The following FAM210A variants were observed in gnomAD, a reference collection of about 807,000 sequenced individuals.
The protein encoded by FAM210A is family with sequence similarity 210 member A.
A neutral mutation model predicts 25.3 loss-of-function variants in FAM210A; 13 were observed. The ratio of observed to expected loss-of-function variants is 0.51; its 90% CI spans 0.33 to 0.82. The LOEUF is 0.82. FAM210A is among the 40% of genes least tolerant of loss of function. The pLI, the probability that FAM210A is intolerant of heterozygous loss-of-function variation, is 0.02. For synonymous variants in FAM210A, 125 were observed against 118.7 expected, an observed-to-expected ratio of 1.05 and a Z score of -0.35; for missense variants, 319 against 323.2, an observed-to-expected ratio of 0.99 and a Z score of 0.10.
chr18:13,672,469 C>T (rs1465485933), intron 2 of FAM210A, among the ~76,000 whole-genome samples: 5 of 152,112 alleles, frequency 3.3e-5, no homozygotes, highest in South Asian at 4.1e-4. Context: ...AGTGCAGTGG[C>T]GCAATCTTGG....
chr18:13,685,436 T>C (rs909387328), intron 1 of FAM210A, among the ~76,000 whole-genome samples: 1 of 152,178 alleles, frequency 6.6e-6, no homozygotes, highest in Admixed American at 6.5e-5. Context: ...AGGAAACATT[T>C]GCCATCTATT....
chr18:13,688,032 G>T (rs377115348), intron 1 of FAM210A: 1 of 152,040 alleles, frequency 6.6e-6, no homozygotes, highest in Non-Finnish European at 1.5e-5. Flanking sequence ...AACAGAAACC[G>T]GCTCTCCAAA....
At chr18:13,680,288 T>C (rs1294320701) in intron 2 of FAM210A, among the ~76,000 whole-genome samples, 1 of 152,234 alleles carries the variant, frequency 6.6e-6, no homozygotes, top group Non-Finnish European at 1.5e-5. Context: ...CTATAAATAT[T>C]AATCATGTCC....
intron 3 of FAM210A, among the ~76,000 whole-genome samples, chr18:13,670,355 C>T (rs1277463168): frequency 2.6e-5 from 4 of 152,120 alleles, no homozygotes; most frequent in African/African-American, 4.8e-5. Flanking sequence ...AAATTTAATA[C>T]ACTTTAATGT....
At chr18:13,725,006 T>C (rs552769925) in intron 1 of FAM210A, among the ~76,000 whole-genome samples, 6 of 152,182 alleles carry the variant, frequency 3.9e-5, no homozygotes, top group Non-Finnish European at 7.3e-5. Context: ...ACTCCTGACC[T>C]CGTGATCCAA....
At chr18:13,678,261 G>T (rs2043521139) in intron 2 of FAM210A, among the ~76,000 whole-genome samples, 1 of 152,062 alleles carries the variant, frequency 6.6e-6, no homozygotes, top group South Asian at 2.1e-4. Flanking sequence ...GTCAGATAAA[G>T]AAGCAAGCAT....
intron 2 of FAM210A, among the ~76,000 whole-genome samples, chr18:13,679,016 G>A (rs527448970): frequency 2.0e-5 from 3 of 152,222 alleles, no homozygotes; most frequent in African/African-American, 4.8e-5. Flanking sequence ...AGATAGGAGC[G>A]GCAACAAAGC....
At chr18:13,696,240 T>C (rs1338317648) in intron 1 of FAM210A, among the ~76,000 whole-genome samples, 1 of 152,206 alleles carries the variant, frequency 6.6e-6, no homozygotes, top group Non-Finnish European at 1.5e-5. Context: ...CTGAAGTTTA[T>C]ATGGAAAGCC....
chr18:13,681,196 T>C (rs1281234408), intron 2 of FAM210A, among the ~76,000 whole-genome samples: 1 of 152,200 alleles, frequency 6.6e-6, no homozygotes, highest in African/African-American at 2.4e-5. Flanking sequence ...AATGCCAGGA[T>C]GAGATCTGCA....
chr18:13,707,728 C>G (rs137874652), intron 1 of FAM210A, among the ~76,000 whole-genome samples: 2 of 152,334 alleles, frequency 1.3e-5, no homozygotes, highest in Non-Finnish European at 2.9e-5. Context: ...GAAAACCTAA[C>G]TTAGGAGTGT....
chr18:13,689,831 T>A (rs2043627766), intron 1 of FAM210A, among the ~76,000 whole-genome samples: 1 of 152,112 alleles, frequency 6.6e-6, no homozygotes, highest in Non-Finnish European at 1.5e-5. Flanking sequence ...TAGGAACAGC[T>A]CCAGTCTGCA....
chr18:13,682,413 C>G lies in FAM210A; in HGVS notation c.-28-308G>C, dbSNP rs146046028. Reference sequence around the variant, plus strand: ...CAAAACCCCATCTCCACTAAAAATACAAAAATTAGCCAGGTGTGGTGGTGG... The same window carrying G: ...CAAAACCCCATCTCCACTAAAAATAGAAAAATTAGCCAGGTGTGGTGGTGG... On this transcript the variant is annotated intron_variant, in intron 1 of 3. Coordinates refer to ENST00000651643, the MANE Select transcript of FAM210A (RefSeq NM_152352.4). Among the ~76,000 whole-genome samples, 48 of 152,034 alleles carry G rather than the reference C, an allele frequency of 3.2e-4. 1 individual carries two copies. Among genetic ancestry groups the G allele is most frequent in the African/African-American group, 1.0e-3 (42 of 41,480 alleles).
intron 3 of FAM210A, among the ~76,000 whole-genome samples, chr18:13,669,420 C>G (rs2043425617): frequency 6.6e-6 from 1 of 152,184 alleles, no homozygotes; most frequent in Non-Finnish European, 1.5e-5. Flanking sequence ...TCCGGTCACA[C>G]TAGCTTCCCT....
chr18:13,674,908 A>T (rs2043478839), intron 2 of FAM210A, among the ~76,000 whole-genome samples: 7 of 130,166 alleles, frequency 5.4e-5, no homozygotes, highest in South Asian at 4.7e-4. Flanking sequence ...CTTTATTTCC[A>T]GTTTCCTGAT....
In FAM210A at chr18:13,704,009, C is replaced by T. The variant is rs551521407; in HGVS notation, c.-28-21904G>A. On this transcript the variant is annotated intron_variant, in intron 1 of 3. Coordinates refer to ENST00000651643, the MANE Select transcript of FAM210A (RefSeq NM_152352.4). ...AAATTCTTTTCCCAAAGTAAAATAA[C>T]TAGTTGTTTAAAAAGAGGCATGTTT... 3.9e-5 allele frequency among the ~76,000 whole-genome samples: 6 copies of T among 152,114 alleles called. No homozygotes were observed. In the South Asian group the frequency reaches 1.2e-3, roughly 32 times the overall value.
chr18:13,707,291 G>A (rs151170370), intron 1 of FAM210A, among the ~76,000 whole-genome samples: 2,026 of 152,342 alleles, frequency 0.013, 21 homozygotes, highest in Non-Finnish European at 0.022. Flanking sequence ...TTTGGACTGA[G>A]CTCATGCACT....
At chr18:13,675,458 G>C (rs370897850) in intron 2 of FAM210A, among the ~76,000 whole-genome samples, 2,924 of 7,556 alleles carry the variant, frequency 0.39, 9 homozygotes, top group Admixed American at 0.42. Flanking sequence ...CCAGTTTCCT[G>C]ATTATTAACA....
At chr18:13,721,784 TGGC>T (rs1012553203) in intron 1 of FAM210A, among the ~76,000 whole-genome samples, 8 of 152,202 alleles carry the variant, frequency 5.3e-5, no homozygotes, top group African/African-American at 1.7e-4. Flanking sequence ...CTACTCTGAA[TGGC>T]GGGCCAAAAT....
At chr18:13,695,874 C>T (rs1253452206) in intron 1 of FAM210A, among the ~76,000 whole-genome samples, 3 of 151,914 alleles carry the variant, frequency 2.0e-5, no homozygotes, top group Non-Finnish European at 4.4e-5. Flanking sequence ...TATAAAAAGA[C>T]TCCTGGAACT....
Sources: allele counts gnomAD v4.1 joint callset (sites outside exome capture counted in the v4.1 genomes callset), GRCh38; gene constraint gnomAD v4.1.1; transcripts MANE v1.5; gene names NCBI Gene and HGNC (gene_info 2026-07-23, HGNC 2026-07-21).